Variants in RYR2 observed in about 807,000 individuals in gnomAD.
RYR2 encodes ryanodine receptor 2.
A neutral mutation model predicts 601.1 loss-of-function variants in RYR2; 227 were observed. The ratio of observed to expected loss-of-function variants is 0.38; its 90% CI spans 0.34 to 0.42. The LOEUF is 0.42. Ranked by LOEUF, RYR2 falls within the 10% of genes least tolerant of loss-of-function variation. The pLI is 1.00. For missense variants in RYR2, 4,646 were observed against 6,156.5 expected (o/e 0.75, Z 8.21); for synonymous variants, 2,223 against 2,175.1 (o/e 1.02, Z -0.61).
At chr1:237,596,544 A>G (rs911934989) in intron 34 of RYR2, among the ~76,000 whole-genome samples, 1 of 152,164 alleles carries the variant, frequency 6.6e-6, no homozygotes, top group Non-Finnish European at 1.5e-5. Context: ...AAAAAAGCCT[A>G]TAGAACTTAT....
intron 1 of RYR2, among the ~76,000 whole-genome samples, chr1:237,097,735 C>G (rs887298276): frequency 2.0e-5 from 3 of 152,092 alleles, no homozygotes; most frequent in Admixed American, 1.3e-4. Context: ...TGTTTTTAAA[C>G]CAAGTATAAT....
chr1:237,053,529 A>G (rs1234813098), intron 1 of RYR2, among the ~76,000 whole-genome samples: 1 of 152,132 alleles, frequency 6.6e-6, no homozygotes, highest in Non-Finnish European at 1.5e-5. Context: ...TCCTACTCAC[A>G]CCAAAGAGGA....
chr1:237,647,186 G>A (rs1203744997), intron 48 of RYR2, among the ~76,000 whole-genome samples: 2 of 152,112 alleles, frequency 1.3e-5, no homozygotes, highest in African/African-American at 4.8e-5. Context: ...AGTCAGCTTT[G>A]GCTGGATTTT....
chr1:237,286,511 A>G (rs987775657), intron 2 of RYR2, among the ~76,000 whole-genome samples: 6 of 34,368 alleles, frequency 1.7e-4, no homozygotes, highest in African/African-American at 4.2e-4. Flanking sequence ...TGCTCCGTAT[A>G]TATCTGTTAA....
intron 1 of RYR2, among the ~76,000 whole-genome samples, chr1:237,205,338 G>A (rs988030559): frequency 3.9e-5 from 6 of 152,130 alleles, no homozygotes; most frequent in Non-Finnish European, 8.8e-5. Context: ...AGCCATGGAG[G>A]GCTTGCTGCC....
At chr1:237,711,136 T>C (rs1688805451) in intron 70 of RYR2, among the ~76,000 whole-genome samples, 1 of 152,226 alleles carries the variant, frequency 6.6e-6, no homozygotes, top group Non-Finnish European at 1.5e-5. Context: ...ATAATCAGTA[T>C]GTTTTCAGAT....
At chr1:237,681,711 C>A (rs1685899975) in intron 62 of RYR2, among the ~76,000 whole-genome samples, 1 of 152,194 alleles carries the variant, frequency 6.6e-6, no homozygotes, top group African/African-American at 2.4e-5. Context: ...TCCACCCCTT[C>A]CCACTTGAAC....
chr1:237,454,639 G>A, intron 15 of RYR2, 65 bp downstream of exon 15: 1 of 1,525,962 alleles, frequency 6.6e-7, no homozygotes, highest in African/African-American at 1.4e-5. Flanking sequence ...TCTTGGTTGG[G>A]AAAATTTTCC....
At chr1:237,166,166 T>C (rs1426276183) in intron 1 of RYR2, among the ~76,000 whole-genome samples, 1 of 152,228 alleles carries the variant, frequency 6.6e-6, no homozygotes, top group African/African-American at 2.4e-5. Context: ...TCCATTAGGC[T>C]GAAATGAGCT....
intron 29 of RYR2, among the ~76,000 whole-genome samples, chr1:237,587,060 A>G (rs561124611): frequency 1.3e-5 from 2 of 152,148 alleles, no homozygotes; most frequent in Admixed American, 6.6e-5. Context: ...GACCACGAGC[A>G]CGTTTTGCCC....
chr1:237,496,227 G>A (rs1664054493), intron 19 of RYR2, among the ~76,000 whole-genome samples: 2 of 152,080 alleles, frequency 1.3e-5, no homozygotes, highest in Admixed American at 6.5e-5. Flanking sequence ...AACATAGCAA[G>A]ATCTCATCTC....
intron 12 of RYR2, among the ~76,000 whole-genome samples, chr1:237,427,113 A>T (rs1706254640): frequency 6.6e-6 from 1 of 152,172 alleles, no homozygotes. Context: ...GAAGAGAGAA[A>T]AGTTGGTGAG....
chr1:237,613,036 T>TG (rs1306254459), intron 36 of RYR2, among the ~76,000 whole-genome samples: 1 of 152,226 alleles, frequency 6.6e-6, no homozygotes, highest in Non-Finnish European at 1.5e-5. Context: ...TTGGTAGAGT[T>TG]GGGGCCCACA....
intron 1 of RYR2, among the ~76,000 whole-genome samples, chr1:237,107,309 C>T (rs1403392120): frequency 3.3e-5 from 5 of 151,332 alleles, no homozygotes; most frequent in Non-Finnish European, 7.4e-5. Flanking sequence ...ATCACGAGGT[C>T]AGGAGATCGA....
At chr1:237,468,531 T>C (rs1377083131) in intron 16 of RYR2, among the ~76,000 whole-genome samples, 1 of 152,182 alleles carries the variant, frequency 6.6e-6, no homozygotes, top group African/African-American at 2.4e-5. Flanking sequence ...TCCACGGAAA[T>C]GATATAAGAA....
intron 62 of RYR2, among the ~76,000 whole-genome samples, chr1:237,681,967 T>C (rs1241038156): frequency 6.6e-6 from 1 of 152,200 alleles, no homozygotes; most frequent in African/African-American, 2.4e-5. Context: ...GAGGGTGTTG[T>C]TAATCTAGCT....
At position 237,833,940 on chromosome 1, in the gene RYR2, T is replaced by C. The variant is rs1258821583; in HGVS notation, c.*1293T>C. 1 of 152,448 alleles carries C rather than the reference T, an allele frequency of 6.6e-6. No individual in the cohort carries two copies. The highest frequency in any genetic ancestry group is 1.9e-4 in the East Asian group (1 of 5,204). 9.4% of individuals were successfully genotyped at this position (152,448 alleles called of 1,614,324 possible). On this transcript the variant is annotated 3_prime_UTR_variant, in exon 105 of 105. Transcript: ENST00000366574. ...GGAGCTCTTTTATTACAAGTCTGCT[T>C]GTTAATTTTAGAACTGTAAAACCGC...
At chr1:237,535,285 GA>G (rs1668493906) in intron 25 of RYR2, among the ~76,000 whole-genome samples, 1 of 151,742 alleles carries the variant, frequency 6.6e-6, no homozygotes, top group Non-Finnish European at 1.5e-5. Flanking sequence ...AAAAGACTCT[GA>G]AAAGATTGAC....
chr1:237,456,050 TATAGCTCTTTATGTGGTTAG>T (rs1455232554), intron 15 of RYR2, among the ~76,000 whole-genome samples: 2 of 152,180 alleles, frequency 1.3e-5, no homozygotes, highest in Non-Finnish European at 2.9e-5. Flanking sequence ...TAGTGGTTTA[TATAGCTCTTTATGTGGTTAG>T]ATAGCTCTTT....
Sources: gnomAD v4.1 joint callset for allele counts (sites outside exome capture counted in the v4.1 genomes callset) on GRCh38, gnomAD v4.1.1 for gene constraint, MANE v1.5 for transcripts, NCBI Gene and HGNC (gene_info 2026-07-23, HGNC 2026-07-21) for gene names.